Variants in CSMD1 observed in about 807,000 individuals in gnomAD.
CSMD1 encodes CUB and Sushi multiple domains 1, also known as CUB and sushi domain-containing protein 1.
CSMD1 carries 213 observed loss-of-function variants against 417.5 expected under a neutral mutation model. That is an observed-to-expected ratio of 0.51 (90% CI 0.46 to 0.57). CSMD1 has a LOEUF of 0.57. Among genes scored for constraint, CSMD1 ranks in the 20% least tolerant of loss-of-function variants. The probability of loss-of-function intolerance (pLI) is 0.00; values close to 1 mark genes in which losing one functional copy is unlikely to be tolerated. For missense variants in CSMD1, 6,923 were observed against 4,529.7 expected (o/e 1.53, Z -15.17); for synonymous variants, 2,862 against 1,736.8 (o/e 1.65, Z -16.11).
At chr8:4,632,928 A>G (rs1309959073) in intron 2 of CSMD1, among the ~76,000 whole-genome samples, 1 of 152,200 alleles carries the variant, frequency 6.6e-6, no homozygotes, top group African/African-American at 2.4e-5. Flanking sequence ...GTGCAACTGA[A>G]CAAGGATACT....
chr8:4,000,061 CA>C (rs1391969780), intron 4 of CSMD1, among the ~76,000 whole-genome samples: 1 of 152,256 alleles, frequency 6.6e-6, no homozygotes, highest in Non-Finnish European at 1.5e-5. Context: ...TTGAAAACTG[CA>C]AAAGTACTTC....
chr8:3,049,152 T>C (rs530635672), intron 50 of CSMD1, among the ~76,000 whole-genome samples: 1 of 152,120 alleles, frequency 6.6e-6, no homozygotes, highest in Non-Finnish European at 1.5e-5. Context: ...AATCCTGCAG[T>C]CTTCTTTGAA....
In CSMD1 at chr8:3,550,830, T is replaced by C. The variant is rs112777600; in HGVS notation, c.1344+24115A>G. On this transcript the variant is annotated intron_variant, in intron 10 of 69. Transcript: ENST00000635120. ...CGTGAATACTTGTTGGATGGAAGAGTAAATATATGGGTAAATAGGGTGTAT... is the reference window on the plus strand; with the variant it reads ...CGTGAATACTTGTTGGATGGAAGAGCAAATATATGGGTAAATAGGGTGTAT... Among the ~76,000 whole-genome samples the C allele has an allele frequency of 2.3e-3, 345 of 152,030 alleles. 1 individual carries two copies. Among genetic ancestry groups the C allele is most frequent in the African/African-American group, 7.9e-3 (328 of 41,448 alleles).
At chr8:3,914,753 T>C (rs1028030820) in intron 5 of CSMD1, among the ~76,000 whole-genome samples, 1 of 152,100 alleles carries the variant, frequency 6.6e-6, no homozygotes, top group Non-Finnish European at 1.5e-5. Flanking sequence ...CATGTATCTG[T>C]CTTTGCTCAT....
Position 3,188,985 on chromosome 8 carries a change from G to T in CSMD1, c.5425C>A (p.Arg1809=). Residue 1809 remains arginine (R), a synonymous_variant, in exon 35 of 70, where the codon CGA becomes AGA. Coordinates refer to ENST00000635120, the MANE Select transcript of CSMD1 (RefSeq NM_033225.6). ...CCGGGGGACAGGATTGTACCTCTTC[G>T]TTGAGTGAAATTGCCACTGCAGGGT... ...VVPCSGNFTQ[R]RGTILSPGYP... The T allele has an allele frequency of 6.2e-7, 1 of 1,613,174 alleles. No homozygotes were observed. The highest frequency in any genetic ancestry group is 1.1e-5 in the South Asian group (1 of 90,928).
At chr8:3,930,970 G>T (rs1228209660) in intron 5 of CSMD1, among the ~76,000 whole-genome samples, 3 of 150,454 alleles carry the variant, frequency 2.0e-5, no homozygotes, top group Admixed American at 6.6e-5. Flanking sequence ...CAGCAAAAAC[G>T]CCCTGTGGAA....
intron 1 of CSMD1, among the ~76,000 whole-genome samples, chr8:4,750,058 G>C (rs924822359): frequency 4.7e-5 from 7 of 150,470 alleles, no homozygotes; most frequent in Admixed American, 2.0e-4. Flanking sequence ...CCAGGCTGGA[G>C]TGCAGTGGGC....
chr8:4,098,953 G>A (rs1273813860), intron 3 of CSMD1, among the ~76,000 whole-genome samples: 1 of 152,080 alleles, frequency 6.6e-6, no homozygotes. Flanking sequence ...TGTTAAAACT[G>A]TTTTACAATT....
intron 3 of CSMD1, among the ~76,000 whole-genome samples, chr8:4,375,787 A>G (rs1023947872): frequency 3.3e-5 from 5 of 152,146 alleles, no homozygotes; most frequent in Non-Finnish European, 4.4e-5. Context: ...CCCCCTCTTC[A>G]AACCATCCTC....
At chr8:3,892,024 A>T (rs1447564030) in intron 5 of CSMD1, among the ~76,000 whole-genome samples, 1 of 23,726 alleles carries the variant, frequency 4.2e-5, no homozygotes, top group Non-Finnish European at 9.7e-5. Context: ...ATAGTCGCAA[A>T]CAAAAAAAAA....
intron 1 of CSMD1, among the ~76,000 whole-genome samples, chr8:4,837,467 G>T (rs557008111): frequency 6.6e-6 from 1 of 152,162 alleles, no homozygotes; most frequent in Non-Finnish European, 1.5e-5. Flanking sequence ...GGAGATCATT[G>T]TGTTAACTAA....
rs1247267659 is a variant in CSMD1 at position 3,108,701 on chromosome 8, T to A, written c.6656A>T (p.Asn2219Ile). 1.2e-6 allele frequency: 2 copies of A among 1,613,626 alleles called. No individual in the cohort carries two copies. The highest frequency in any genetic ancestry group is 2.2e-5 in the South Asian group (2 of 90,926). Residue 2219 changes from asparagine (N) to isoleucine (I), a missense_variant, in exon 44 of 70, where the codon AAC becomes ATC. Transcript: ENST00000635120. ...GCTATACGCCGTTTCGAGGGCTGTGTTGCCACTGAAAACTCCCAGCTGGGG... is the reference window on the plus strand; with the variant it reads ...GCTATACGCCGTTTCGAGGGCTGTGATGCCACTGAAAACTCCCAGCTGGGG... ...NSPQLGVFSG[N>I]TALETAYSST... is the part of the protein sequence containing the mutation.
chr8:3,572,761 C>G (rs990142303), intron 10 of CSMD1, among the ~76,000 whole-genome samples: 1 of 152,054 alleles, frequency 6.6e-6, no homozygotes, highest in African/African-American at 2.4e-5. Context: ...TTTATTTGAG[C>G]CCCTATGGAA....
intron 1 of CSMD1, among the ~76,000 whole-genome samples, chr8:4,746,120 T>G (rs1452542656): frequency 6.6e-6 from 1 of 152,242 alleles, no homozygotes; most frequent in Non-Finnish European, 1.5e-5. Flanking sequence ...CTCCTGCTGT[T>G]AAATTAAGCC....
intron 3 of CSMD1, among the ~76,000 whole-genome samples, chr8:4,324,844 G>C (rs1799466864): frequency 6.6e-6 from 1 of 152,206 alleles, no homozygotes; most frequent in African/African-American, 2.4e-5. Flanking sequence ...CAAAGAAGAG[G>C]AGGGACTCCC....
At chr8:4,300,869 A>C (rs1041008653) in intron 3 of CSMD1, among the ~76,000 whole-genome samples, 3 of 152,082 alleles carry the variant, frequency 2.0e-5, no homozygotes, top group African/African-American at 7.2e-5. Context: ...TGAACTCATC[A>C]TTTTTTATGG....
At chr8:4,265,106 T>G (rs4288395) in intron 3 of CSMD1, among the ~76,000 whole-genome samples, 56,487 of 151,982 alleles carry the variant, frequency 0.37, 10,603 homozygotes, top group Admixed American at 0.43. Flanking sequence ...GCTCTTCAAA[T>G]TAAGTTGAAA....
intron 10 of CSMD1, among the ~76,000 whole-genome samples, chr8:3,554,733 C>T (rs545299309): frequency 6.6e-6 from 1 of 152,250 alleles, no homozygotes; most frequent in Non-Finnish European, 1.5e-5. Flanking sequence ...TTCAGAACTT[C>T]CACAGAGGGT....
intron 12 of CSMD1, among the ~76,000 whole-genome samples, chr8:3,410,567 CG>C (rs1332919546): frequency 6.6e-6 from 1 of 152,152 alleles, no homozygotes; most frequent in Non-Finnish European, 1.5e-5. Flanking sequence ...TCATGTAAGA[CG>C]TGACTTGTTC....
Sources: allele counts gnomAD v4.1 joint callset (sites outside exome capture counted in the v4.1 genomes callset), GRCh38; gene constraint gnomAD v4.1.1; transcripts MANE v1.5; gene names NCBI Gene and HGNC (gene_info 2026-07-23, HGNC 2026-07-21).